KCNH1: variants seen among roughly 807,000 people sequenced by gnomAD.
The protein encoded by KCNH1 is potassium voltage-gated channel subfamily H member 1.
A neutral mutation model predicts 69.2 loss-of-function variants in KCNH1; 27 were observed. That is an observed-to-expected ratio of 0.39 (90% CI 0.29 to 0.54). KCNH1 has a LOEUF of 0.54. Among genes scored for constraint, KCNH1 ranks in the 20% least tolerant of loss-of-function variants. The probability of loss-of-function intolerance (pLI) is 0.68; values close to 1 mark genes in which losing one functional copy is unlikely to be tolerated. For synonymous variants in KCNH1, 456 were observed against 487.7 expected (o/e 0.93, Z 0.86); for missense variants, 798 against 1,261.6 (o/e 0.63, Z 5.57).
intron 10 of KCNH1, among the ~76,000 whole-genome samples, chr1:210,770,659 A>T (rs1288320629): frequency 6.6e-6 from 1 of 152,234 alleles, no homozygotes; most frequent in Non-Finnish European, 1.5e-5. Flanking sequence ...CGAGGGGGAA[A>T]TTTGTCACAT....
At chr1:211,043,261 A>G (rs1191358824) in intron 5 of KCNH1, among the ~76,000 whole-genome samples, 1 of 152,196 alleles carries the variant, frequency 6.6e-6, no homozygotes, top group Non-Finnish European at 1.5e-5. Context: ...CTAAGAAACG[A>G]AACAGGAGAT....
At chr1:210,833,225 C>CTTT (rs1169475185) in intron 7 of KCNH1, among the ~76,000 whole-genome samples, 5 of 152,134 alleles carry the variant, frequency 3.3e-5, no homozygotes, top group Non-Finnish European at 7.4e-5. Flanking sequence ...GTAGGGCACA[C>CTTT]AACCTGAGAA....
At chr1:210,794,866 AGAAT>A (rs1684276962) in intron 9 of KCNH1, among the ~76,000 whole-genome samples, 1 of 152,258 alleles carries the variant, frequency 6.6e-6, no homozygotes, top group Admixed American at 6.5e-5. Flanking sequence ...GACCACCAGT[AGAAT>A]TTCCTCCTTA....
intron 6 of KCNH1, among the ~76,000 whole-genome samples, chr1:210,934,705 A>G (rs10779547): frequency 0.77 from 116,394 of 151,958 alleles, 45,380 homozygotes; most frequent in African/African-American, 0.89. Context: ...TTAATCATTA[A>G]GGAAATGCAA....
At chr1:211,003,810 A>C (rs1558563856) in intron 6 of KCNH1, among the ~76,000 whole-genome samples, 1 of 152,212 alleles carries the variant, frequency 6.6e-6, no homozygotes, top group Non-Finnish European at 1.5e-5. Flanking sequence ...ACCTAAAGAA[A>C]ATAATTAGCA....
chr1:211,019,220 T>G lies in KCNH1; in HGVS notation c.595A>C (p.Lys199Gln), dbSNP rs779813730. ...GGGGGAGTCTTTGGTGCCTCTTGCT[T>G]GTACTGGGGAAGGATGTCTGAGCCC... ...QLGSDILPQYKQEAPKTPPHI... is the reference protein window; with the variant it reads ...QLGSDILPQYQQEAPKTPPHI... Residue 199 changes from lysine (K) to glutamine (Q), a missense_variant, in exon 6 of 11, where the codon AAG becomes CAG. By Grantham distance (53) the Lys-to-Gln change is moderately conservative (BLOSUM62 1). Around this residue, in one of 4 missense-constraint regions of KCNH1, gnomAD observed 266 missense variants for 457.2 expected, o/e 0.58. Transcript: ENST00000271751. 33 of 1,611,394 alleles carry G rather than the reference T, an allele frequency of 2.0e-5. No individual in the cohort carries two copies. Among genetic ancestry groups the G allele is most frequent in the Non-Finnish European group, 2.7e-5 (32 of 1,179,658 alleles).
chr1:210,869,282 G>T (rs1204359027), intron 7 of KCNH1, among the ~76,000 whole-genome samples: 2 of 151,906 alleles, frequency 1.3e-5, no homozygotes, highest in Non-Finnish European at 2.9e-5. Flanking sequence ...TGACCTGCTT[G>T]GATCTATGAG....
At chr1:210,963,270 C>A (rs911412077) in intron 6 of KCNH1, among the ~76,000 whole-genome samples, 1 of 152,148 alleles carries the variant, frequency 6.6e-6, no homozygotes, top group East Asian at 1.9e-4. Flanking sequence ...CACGCAGAAA[C>A]CCTGTCCGAA....
rs1681242934 is a variant in KCNH1 at position 210,680,652 on chromosome 1, G to A, written c.*2629C>T. On this transcript the variant is annotated 3_prime_UTR_variant, in exon 11 of 11. Coordinates refer to ENST00000271751, the MANE Select transcript of KCNH1 (RefSeq NM_172362.3). ...CATGGTGCGAAAAGGAAGGGAGAAA[G>A]GTTTGGCTCATTTACACAATGTTTT... 6.6e-6 allele frequency: 1 copy of A among 152,156 alleles called. No individual in the cohort carries two copies. Among genetic ancestry groups the A allele is most frequent in the African/African-American group, 2.4e-5 (1 of 41,438 alleles). The allele number at this position is 152,156 out of a possible 1,614,324, so 9.4% of individuals were successfully genotyped here.
At chr1:210,794,672 T>C (rs758784378) in intron 9 of KCNH1, among the ~76,000 whole-genome samples, 23 of 152,280 alleles carry the variant, frequency 1.5e-4, no homozygotes, top group Non-Finnish European at 3.4e-4. Context: ...CTCCTAGTAA[T>C]GCAGCTGTGT....
intron 10 of KCNH1, among the ~76,000 whole-genome samples, chr1:210,726,736 A>G (rs183861086): frequency 7.2e-4 from 110 of 152,350 alleles, no homozygotes; most frequent in African/African-American, 2.6e-3. Flanking sequence ...TCCTGCTCAC[A>G]TACTGTAGTG....
At chr1:211,031,045 T>G (rs184960572) in intron 5 of KCNH1, among the ~76,000 whole-genome samples, 369 of 152,238 alleles carry the variant, frequency 2.4e-3, no homozygotes, top group Non-Finnish European at 4.2e-3. Flanking sequence ...GCGATATTAC[T>G]ACACACCTAT....
intron 6 of KCNH1, among the ~76,000 whole-genome samples, chr1:210,997,406 G>C (rs908994664): frequency 6.6e-6 from 1 of 152,182 alleles, no homozygotes; most frequent in Non-Finnish European, 1.5e-5. Context: ...GGAAGAAAGG[G>C]TATCAGTGAT....
intron 7 of KCNH1, among the ~76,000 whole-genome samples, chr1:210,826,954 G>A (rs893722500): frequency 6.6e-6 from 1 of 152,200 alleles, no homozygotes; most frequent in Non-Finnish European, 1.5e-5. Flanking sequence ...TGGGAAACAC[G>A]TTCACCGTCA....
At chr1:210,715,519 A>AC (rs1553337332) in intron 10 of KCNH1, among the ~76,000 whole-genome samples, 79 of 117,446 alleles carry the variant, frequency 6.7e-4, no homozygotes, top group Middle Eastern at 4.2e-3. Context: ...AAATTAAACA[A>AC]AAAAAAAAAA....
chr1:210,918,939 G>A, intron 7 of KCNH1: 1 of 152,126 alleles, frequency 6.6e-6, no homozygotes. Context: ...TACAATTAAT[G>A]AGATGTTTTG....
intron 10 of KCNH1, among the ~76,000 whole-genome samples, chr1:210,753,957 C>T (rs1409908231): frequency 6.6e-6 from 1 of 151,504 alleles, no homozygotes; most frequent in Non-Finnish European, 1.5e-5. Flanking sequence ...CTCCTTTGCC[C>T]AGGCTGGACT....
intron 10 of KCNH1, among the ~76,000 whole-genome samples, chr1:210,759,435 A>C (rs1346590276): frequency 6.6e-6 from 1 of 152,136 alleles, no homozygotes; most frequent in African/African-American, 2.4e-5. Context: ...AAACAATCCA[A>C]GATTTGAAAA....
intron 10 of KCNH1, among the ~76,000 whole-genome samples, chr1:210,763,105 A>G (rs944537863): frequency 1.3e-5 from 2 of 152,200 alleles, no homozygotes; most frequent in Non-Finnish European, 2.9e-5. Context: ...CCATATAAAC[A>G]GAATGAAAAA....
Sources: allele counts gnomAD v4.1 joint callset (sites outside exome capture counted in the v4.1 genomes callset), GRCh38; gene constraint gnomAD v4.1.1; regional missense constraint gnomAD v4.1.1; transcripts MANE v1.5; gene names NCBI Gene and HGNC (gene_info 2026-07-23, HGNC 2026-07-21).